Variants in TMEM127 observed in about 807,000 individuals in gnomAD.
The protein encoded by TMEM127 is transmembrane protein 127.
In TMEM127, 21 loss-of-function variants were observed where a neutral mutation model predicts 20.1. The observed-to-expected ratio is 1.04, with a 90% CI of 0.74 to 1.50. TMEM127 has a LOEUF of 1.50. TMEM127 is among the 40% of genes most tolerant of loss of function. The probability of loss-of-function intolerance (pLI) is 0.00; values close to 1 mark genes in which losing one functional copy is unlikely to be tolerated. For missense variants in TMEM127, 303 were observed against 317.4 expected, an observed-to-expected ratio of 0.95 and a Z score of 0.34; for synonymous variants, 150 against 144.7, an observed-to-expected ratio of 1.04 and a Z score of -0.26.
At position 96,253,794 on chromosome 2, in the gene TMEM127, G is replaced by C. The variant is rs777296210; in HGVS notation, c.*14C>G. On this transcript the variant is annotated 3_prime_UTR_variant, in exon 4 of 4. Coordinates refer to ENST00000258439, the MANE Select transcript of TMEM127 (RefSeq NM_017849.4). This position sits in a 1 kb window ranked among gnomAD's most constrained non-coding sequence, Gnocchi z 4.3. ...GAGGGAGGGGCTGCCGAGGAAGAGA[G>C]CCCAGGGCTGGCATTAGGGTGTGTA... The C allele has an allele frequency of 1.9e-6, 3 of 1,601,304 alleles. No individual in the cohort carries two copies. The South Asian group carries it at 3.3e-5, about 18-fold the overall frequency.
At position 96,250,674 on chromosome 2, in the gene TMEM127, G is replaced by A. The variant is rs566067694; in HGVS notation, c.*3134C>T. ...AGCTCTTTTACCGTGATGCACACTC[G>A]GGGCTGGGTGTAGGCTGTGTGATCA... On this transcript the variant is annotated 3_prime_UTR_variant, in exon 4 of 4. Transcript: ENST00000258439. 8.6e-5 allele frequency: 20 copies of A among 233,048 alleles called. No individual in the cohort carries two copies. Among genetic ancestry groups the A allele is most frequent in the Admixed American group, 7.9e-4 (14 of 17,774 alleles). 14.4% of individuals were successfully genotyped at this position (233,048 alleles called of 1,614,324 possible). A position where few individuals can be genotyped will look rare whatever the true frequency, so the allele number is the denominator to read the frequency against.
At chr2:96,256,428 G>A (rs544487797) in intron 2 of TMEM127, among the ~76,000 whole-genome samples, 3 of 151,544 alleles carry the variant, frequency 2.0e-5, no homozygotes, top group Non-Finnish European at 2.9e-5. Context: ...AAAATTAGCC[G>A]GGCGTGGTGG....
chr2:96,260,884 T>C (rs1267398057), intron 2 of TMEM127, among the ~76,000 whole-genome samples: 1 of 152,210 alleles, frequency 6.6e-6, no homozygotes, highest in Non-Finnish European at 1.5e-5. Context: ...CACAGGCCTC[T>C]TAACAGAGCC....
In TMEM127 at chr2:96,253,960, G is replaced by C. The variant is rs146965678; in HGVS notation, c.565C>G (p.Leu189Val). The change falls in exon 4 of 4, where the codon CTG (leucine) becomes GTG (valine). Residue 189 changes from leucine (L) to valine (V), a missense_variant. Coordinates refer to ENST00000258439, the MANE Select transcript of TMEM127 (RefSeq NM_017849.4). The surrounding 1 kb of genome is among the most constrained non-coding windows in gnomAD (Gnocchi z 4.3). ...CGCAGGAGGTTGGCTGCCGTGGCCA[G>C]GATTGAGGCTCCACCAGCTCCTGCC... ...LVAGAGGASI[L>V]ATAANLLRHY... is the part of the protein sequence containing the mutation. The C allele has an allele frequency of 6.8e-6, 11 of 1,614,060 alleles. No individual in the cohort carries two copies. The highest frequency in any genetic ancestry group is 9.3e-6 in the Non-Finnish European group (11 of 1,180,042).
chr2:96,260,213 G>A lies in TMEM127; in HGVS notation c.244+4925C>T, dbSNP rs536365140. Among the ~76,000 whole-genome samples, 4 of 152,334 alleles carry A rather than the reference G, an allele frequency of 2.6e-5. No individual in the cohort carries two copies. The South Asian group carries it at 8.3e-4, about 32-fold the overall frequency. On this transcript the variant is annotated intron_variant, in intron 2 of 3. Transcript: ENST00000258439. ...CCTCAGAGGGTCTCAGAGCACACCG[G>A]AAGAACAGGCAGTTATCCTAGACAG...
At position 96,265,348 on chromosome 2, in the gene TMEM127, C is replaced by T. The variant is rs1684396039; in HGVS notation, c.34G>A (p.Gly12Arg). ...YAPGGAGLPG[G>R]RRRRSPGGSA... ...CCTCCCGGGCTCCTCCGCCGGCGCC[C>T]GCCGGGCAGCCCTGCGCCTCCGGGG... The change falls in exon 2 of 4, where the codon GGG (glycine) becomes AGG (arginine). Residue 12 changes from glycine (G) to arginine (R), a missense_variant. Transcript: ENST00000258439. The T allele has an allele frequency of 1.3e-6, 2 of 1,504,240 alleles. No homozygotes were observed. The highest frequency in any genetic ancestry group is 1.8e-6 in the Non-Finnish European group (2 of 1,131,472). 93.2% of individuals were successfully genotyped at this position (1,504,240 alleles called of 1,614,324 possible).
At chr2:96,254,196 C>G in intron 3 of TMEM127, 81 bp from the exon 4 acceptor site, 4 of 1,566,576 alleles carry the variant, frequency 2.6e-6, no homozygotes, top group Non-Finnish European at 3.5e-6. Flanking sequence ...ATCACAGCCT[C>G]TCTACCCAAA....
rs1357502663 is a variant in TMEM127, at chr2:96,249,536, T to C, written c.*4272A>G. The C allele has an allele frequency of 8.7e-6, 2 of 228,632 alleles. No homozygotes were observed. The highest frequency in any genetic ancestry group is 1.7e-5 in the Non-Finnish European group (2 of 115,258). The allele number at this position is 228,632 out of a possible 1,614,324, so 14.2% of individuals were successfully genotyped here. The stretch of plus-strand genomic sequence containing the variant: ...CCCTTTGGGAAGGGAGGCAGAAGGA[T>C]TGCCTGAAGCCAGTAGTTTGAGACC... On this transcript the variant is annotated 3_prime_UTR_variant, in exon 4 of 4. Coordinates refer to ENST00000258439, the MANE Select transcript of TMEM127 (RefSeq NM_017849.4).
At chr2:96,255,887 AG>A (rs1397440602) in intron 2 of TMEM127, among the ~76,000 whole-genome samples, 1 of 151,640 alleles carries the variant, frequency 6.6e-6, no homozygotes, top group African/African-American at 2.4e-5. Flanking sequence ...GGCTGAGGCA[AG>A]AGGACTGCTT....
rs1684107092 is a variant in TMEM127, at chr2:96,252,173, T to C, written c.*1635A>G. ...GTGCAGATGTGGCCCTCACCACCCA[T>C]GCAGGCATCTGTCCGGACATCCCCA... On this transcript the variant is annotated 3_prime_UTR_variant, in exon 4 of 4. Coordinates refer to ENST00000258439, the MANE Select transcript of TMEM127 (RefSeq NM_017849.4). The surrounding 1 kb of genome is among the most constrained non-coding windows in gnomAD (Gnocchi z 4.2). 4.3e-6 allele frequency: 1 copy of C among 233,194 alleles called. No individual in the cohort carries two copies. The highest frequency in any genetic ancestry group is 8.5e-6 in the Non-Finnish European group (1 of 118,106). The allele number at this position is 233,194 out of a possible 1,614,324, so 14.4% of individuals were successfully genotyped here. A position where few individuals can be genotyped will look rare whatever the true frequency, so the allele number is the denominator to read the frequency against.
At chr2:96,262,362 T>C (rs1392633546) in intron 2 of TMEM127, among the ~76,000 whole-genome samples, 1 of 151,774 alleles carries the variant, frequency 6.6e-6, no homozygotes, top group Non-Finnish European at 1.5e-5. Flanking sequence ...GGTCAGGATA[T>C]CTGTTAGGCC....
intron 2 of TMEM127, among the ~76,000 whole-genome samples, chr2:96,263,447 C>T (rs1684352013): frequency 6.6e-6 from 1 of 151,338 alleles, no homozygotes; most frequent in East Asian, 1.9e-4. Flanking sequence ...ACTGCAACCT[C>T]GGCCTCCCAA....
Position 96,252,829 on chromosome 2 carries a change from G to A in TMEM127, c.*979C>T, listed in dbSNP as rs1684120761. 4.3e-6 allele frequency: 1 copy of A among 233,902 alleles called. No individual in the cohort carries two copies. Among genetic ancestry groups the A allele is most frequent in the Non-Finnish European group, 8.5e-6 (1 of 118,266 alleles). 14.5% of individuals were successfully genotyped at this position (233,902 alleles called of 1,614,324 possible). A position where few individuals can be genotyped will look rare whatever the true frequency, so the allele number is the denominator to read the frequency against. ...AGTCCTCAGCCCCTCTGGGTTCCAC[G>A]AGAAGGCCCCAGGGAGTCACCGTCA... On this transcript the variant is annotated 3_prime_UTR_variant, in exon 4 of 4. Transcript: ENST00000258439. This position sits in a 1 kb window ranked among gnomAD's most constrained non-coding sequence, Gnocchi z 4.2.
rs780992481 is a variant in TMEM127, at chr2:96,253,825, G to T, written c.700C>A (p.Pro234Thr). Residue 234 changes from proline (P) to threonine (T), a missense_variant, in exon 4 of 4, where the codon CCT (proline) becomes ACT (threonine). Coordinates refer to ENST00000258439, the MANE Select transcript of TMEM127 (RefSeq NM_017849.4). This position sits in a 1 kb window ranked among gnomAD's most constrained non-coding sequence, Gnocchi z 4.3. Reference protein sequence around the residue: ...YEVINQFQPPPAYTP With the variant: ...YEVINQFQPPTAYTP ...GGCTGGCATTAGGGTGTGTAAGCAG[G>T]GGGTGGCTGGAACTGGTTGATGACC... The T allele has an allele frequency of 3.7e-6, 6 of 1,610,818 alleles. No individual in the cohort carries two copies. Among genetic ancestry groups the T allele is most frequent in the South Asian group, 1.1e-5 (1 of 91,034 alleles).
In TMEM127 at chr2:96,249,122, G is replaced by A. The variant is rs1684036117; in HGVS notation, c.*4686C>T. 4.4e-6 allele frequency: 1 copy of A among 228,828 alleles called. No homozygotes were observed. The highest frequency in any genetic ancestry group is 2.2e-5 in the African/African-American group (1 of 44,846). 14.2% of individuals were successfully genotyped at this position (228,828 alleles called of 1,614,324 possible). On this transcript the variant is annotated 3_prime_UTR_variant, in exon 4 of 4. Transcript: ENST00000258439. ...TGTGTGTGTGTGTGTGTGTGTTTGA[G>A]ATGGAGTCTCACTCTGTCAGGCTGG...
chr2:96,250,078 T>C lies in TMEM127; in HGVS notation c.*3730A>G, dbSNP rs1286453573. ...CCCTCTTCCCCTTTGGCAGGTCCTGTCTCCCACTTTCAACACCCTCACTTA... is the reference window on the plus strand; with the variant it reads ...CCCTCTTCCCCTTTGGCAGGTCCTGCCTCCCACTTTCAACACCCTCACTTA... On this transcript the variant is annotated 3_prime_UTR_variant, in exon 4 of 4. Transcript: ENST00000258439. 1 of 233,194 alleles carries C rather than the reference T, an allele frequency of 4.3e-6. No homozygotes were observed. The highest frequency in any genetic ancestry group is 8.5e-6 in the Non-Finnish European group (1 of 118,046). 14.4% of individuals were successfully genotyped at this position (233,194 alleles called of 1,614,324 possible).
rs759138897 is a variant in TMEM127, at chr2:96,254,835, G to A, written c.407C>T (p.Thr136Met). The A allele has an allele frequency of 1.9e-5, 31 of 1,613,958 alleles. No homozygotes were observed. The highest frequency in any genetic ancestry group is 5.3e-5 in the African/African-American group (4 of 74,926). ...CTGTGAGCAGGCTCACGGCTTACCC[G>A]TTAGGATATGGGCGAAGGCATAGCG... Reference protein sequence around the residue: ...TRRYAFAHILTVLQCATVIGF... With the variant: ...TRRYAFAHILMVLQCATVIGF... The change falls in exon 3 of 4, where the codon ACG (threonine) becomes ATG (methionine). Residue 136 changes from threonine to methionine, a missense_variant and splice_region_variant. By Grantham distance (81) the Thr-to-Met change is moderately conservative (BLOSUM62 -1). Transcript: ENST00000258439.
chr2:96,265,287 G>A lies in TMEM127; in HGVS notation c.95C>T (p.Ala32Val), dbSNP rs1459156138. 2 of 1,558,428 alleles carry A rather than the reference G, an allele frequency of 1.3e-6. No individual in the cohort carries two copies. Among genetic ancestry groups the A allele is most frequent in the South Asian group, 2.3e-5 (2 of 85,934 alleles). The change falls in exon 2 of 4, where the codon GCC becomes GTC. Residue 32 changes from alanine (A) to valine (V), a missense_variant. Physicochemically the swap from Ala to Val is moderately conservative, Grantham distance 64. Coordinates refer to ENST00000258439, the MANE Select transcript of TMEM127 (RefSeq NM_017849.4). ...ALPKQPERSL[A>V]SALPGALSIT... ...AGACAGGGCGCCAGGCAGGGCCGAG[G>A]CCAGGCTACGCTCCGGCTGCTTGGG...
chr2:96,253,752 AG>A lies in TMEM127; in HGVS notation c.*55del. 6.4e-7 allele frequency: 1 copy of A among 1,559,932 alleles called. No homozygotes were observed. Among genetic ancestry groups the A allele is most frequent in the Non-Finnish European group, 8.7e-7 (1 of 1,148,690 alleles). On this transcript the variant is annotated 3_prime_UTR_variant, in exon 4 of 4. Coordinates refer to ENST00000258439, the MANE Select transcript of TMEM127 (RefSeq NM_017849.4). This position sits in a 1 kb window ranked among gnomAD's most constrained non-coding sequence, Gnocchi z 4.3. The stretch of plus-strand genomic sequence containing the variant: ...GGGGAAAGGAGCTCCTCTGGGTGCG[AG>A]AGGAGCTGCAGAGTTGAGGGAGGGG...
Sources: allele counts gnomAD v4.1 joint callset (sites outside exome capture counted in the v4.1 genomes callset), GRCh38; gene constraint gnomAD v4.1.1; non-coding constraint Gnocchi (gnomAD v3.1); transcripts MANE v1.5; gene names NCBI Gene and HGNC (gene_info 2026-07-23, HGNC 2026-07-21).